Variants in GRM7 observed in about 807,000 individuals in gnomAD.
GRM7 encodes glutamate metabotropic receptor 7, also known as metabotropic glutamate receptor 7.
In GRM7, 35 loss-of-function variants were observed where a neutral mutation model predicts 84.5. The observed-to-expected ratio is 0.41, with a 90% CI of 0.32 to 0.55. GRM7 has a LOEUF of 0.55. GRM7 is among the 20% of genes least tolerant of loss of function. The pLI, the probability that GRM7 is intolerant of heterozygous loss-of-function variation, is 0.19. For missense variants in GRM7, 1,003 were observed against 1,194.6 expected (o/e 0.84, Z 2.36); for synonymous variants, 487 against 455.1 (o/e 1.07, Z -0.89).
chr3:7,470,583 C>G (rs1205994477), intron 7 of GRM7, among the ~76,000 whole-genome samples: 1 of 152,090 alleles, frequency 6.6e-6, no homozygotes, highest in African/African-American at 2.4e-5. Flanking sequence ...ATTAGAGAGC[C>G]TAAACCTCCA....
intron 1 of GRM7, among the ~76,000 whole-genome samples, chr3:6,898,310 G>A (rs1449047500): frequency 1.3e-5 from 2 of 151,542 alleles, no homozygotes; most frequent in African/African-American, 4.9e-5. Flanking sequence ...AGGAAAATTT[G>A]GGTTTTAATG....
chr3:7,487,210 T>TA (rs1699353897), intron 7 of GRM7, among the ~76,000 whole-genome samples: 1 of 152,150 alleles, frequency 6.6e-6, no homozygotes, highest in Non-Finnish European at 1.5e-5. Context: ...TTTGGCTGCT[T>TA]AAGCTGAGAT....
rs572402636 is a variant in GRM7, at chr3:7,155,518, T to A, written c.736+8850T>A. ...CAAATGGAGAGTTCTGAAAAACAAG[T>A]AGATACTCCAATCCAAGAAACATTA... On this transcript the variant is annotated intron_variant, in intron 2 of 9. Transcript: ENST00000357716. 2.0e-5 allele frequency among the ~76,000 whole-genome samples: 3 copies of A among 152,196 alleles called. No homozygotes were observed. In the South Asian group the frequency reaches 6.2e-4, roughly 32 times the overall value.
At chr3:7,705,402 G>A (rs2125161675) in intron 9 of GRM7, among the ~76,000 whole-genome samples, 1 of 152,218 alleles carries the variant, frequency 6.6e-6, no homozygotes, top group Non-Finnish European at 1.5e-5. Context: ...AATGGCATGA[G>A]GTCATTGTGA....
At chr3:7,060,412 G>T (rs967017465) in intron 1 of GRM7, among the ~76,000 whole-genome samples, 1 of 151,720 alleles carries the variant, frequency 6.6e-6, no homozygotes, top group African/African-American at 2.4e-5. Context: ...TTACACCATT[G>T]TAGGAACAAG....
At chr3:7,721,040 T>G (rs114549107) in intron 9 of GRM7, among the ~76,000 whole-genome samples, 1 of 152,228 alleles carries the variant, frequency 6.6e-6, no homozygotes, top group Non-Finnish European at 1.5e-5. Context: ...CTTAGCACTA[T>G]TTCTAGCACA....
intron 4 of GRM7, among the ~76,000 whole-genome samples, chr3:7,323,585 TTACATA>T (rs1700868459): frequency 6.6e-6 from 1 of 152,198 alleles, no homozygotes; most frequent in African/African-American, 2.4e-5. Flanking sequence ...ATACTGTAGC[TTACATA>T]TACTGTTGTT....
At chr3:6,969,789 T>G (rs1210967442) in intron 1 of GRM7, among the ~76,000 whole-genome samples, 2 of 152,102 alleles carry the variant, frequency 1.3e-5, no homozygotes, top group Non-Finnish European at 2.9e-5. Context: ...GTGGTGGTGG[T>G]TTGGTTAGGG....
At chr3:7,634,224 A>G (rs1697972555) in intron 8 of GRM7, among the ~76,000 whole-genome samples, 1 of 152,144 alleles carries the variant, frequency 6.6e-6, no homozygotes, top group African/African-American at 2.4e-5. Context: ...TTATCCTAGT[A>G]AAGTTAGCTA....
At chr3:7,229,722 C>CATATATATATAT (rs772166647) in intron 2 of GRM7, among the ~76,000 whole-genome samples, 43 of 25,728 alleles carry the variant, frequency 1.7e-3, no homozygotes, top group Admixed American at 3.2e-3. Context: ...TCCATAGACA[C>CATATATATATAT]ACACATATAT....
intron 1 of GRM7, among the ~76,000 whole-genome samples, chr3:6,961,608 C>T (rs57472359): frequency 1.3e-5 from 2 of 152,068 alleles, no homozygotes; most frequent in African/African-American, 4.8e-5. Context: ...TATCTGTCTT[C>T]TTTTTACTTC....
At chr3:7,076,503 C>T (rs563176136) in intron 1 of GRM7, among the ~76,000 whole-genome samples, 42 of 152,242 alleles carry the variant, frequency 2.8e-4, no homozygotes, top group African/African-American at 9.6e-4. Flanking sequence ...GCACTTGCTT[C>T]CCCTTCACCT....
chr3:6,898,807 G>T (rs1392061251), intron 1 of GRM7, among the ~76,000 whole-genome samples: 1 of 143,838 alleles, frequency 7.0e-6, no homozygotes, highest in East Asian at 2.1e-4. Flanking sequence ...AGCAGTATGA[G>T]ATTCTATCTC....
At chr3:7,537,971 T>C (rs140931340) in intron 7 of GRM7, among the ~76,000 whole-genome samples, 3 of 152,316 alleles carry the variant, frequency 2.0e-5, no homozygotes, top group African/African-American at 4.8e-5. Flanking sequence ...CTGGGCAAGA[T>C]GAAAATAGTA....
chr3:6,969,024 C>A (rs1693633925), intron 1 of GRM7, among the ~76,000 whole-genome samples: 1 of 152,022 alleles, frequency 6.6e-6, no homozygotes. Flanking sequence ...ATGTTAGTAG[C>A]ATAAATTTGG....
At position 7,659,876 on chromosome 3, in the gene GRM7, C is replaced by T. The variant is rs186648700; in HGVS notation, c.2452-20173C>T. ...CTAACCCCACCATTAATAGTATAAT[C>T]ACTGGGCGTTTGGTACTAGGGCTAG... On this transcript the variant is annotated intron_variant, in intron 8 of 9. Transcript: ENST00000357716. 3.9e-3 allele frequency among the ~76,000 whole-genome samples: 600 copies of T among 152,304 alleles called. 7 individuals carry two copies. The highest frequency in any genetic ancestry group is 6.5e-3 in the Non-Finnish European group (442 of 68,028).
chr3:7,440,249 G>A (rs1697232213), intron 5 of GRM7, among the ~76,000 whole-genome samples: 1 of 152,168 alleles, frequency 6.6e-6, no homozygotes, highest in Non-Finnish European at 1.5e-5. Context: ...GTGAATTCAA[G>A]TGTAAAGCTA....
chr3:7,242,770 A>G (rs1217852787), intron 2 of GRM7, among the ~76,000 whole-genome samples: 1 of 151,972 alleles, frequency 6.6e-6, no homozygotes, highest in African/African-American at 2.4e-5. Flanking sequence ...CCTCTGATCT[A>G]TTCCAGAGCT....
chr3:7,584,661 G>A (rs1354140811), intron 8 of GRM7, among the ~76,000 whole-genome samples: 1 of 152,182 alleles, frequency 6.6e-6, no homozygotes, highest in African/African-American at 2.4e-5. Flanking sequence ...AACTAGTTGA[G>A]TATTACAATA....
Sources: gnomAD v4.1 joint callset for allele counts (sites outside exome capture counted in the v4.1 genomes callset) on GRCh38, gnomAD v4.1.1 for gene constraint, MANE v1.5 for transcripts, NCBI Gene and HGNC (gene_info 2026-07-23, HGNC 2026-07-21) for gene names.